Variants in PARVB observed in about 807,000 individuals in gnomAD.
PARVB encodes the protein parvin beta, also known as beta-parvin.
PARVB carries 46 observed loss-of-function variants against 47.0 expected under a neutral mutation model. The observed-to-expected ratio is 0.98, with a 90% CI of 0.77 to 1.25. The LOEUF (loss-of-function observed/expected upper bound fraction) is 1.25, where lower values mean the gene tolerates loss of function less well. Among genes scored for constraint, PARVB ranks in the 50% most tolerant of loss-of-function variants. PARVB has a pLI of 0.00. For synonymous variants in PARVB, 196 were observed against 196.3 expected (o/e 1.00, Z 0.01); for missense variants, 473 against 471.6 (o/e 1.00, Z -0.03).
Position 44,155,605 on chromosome 22 carries a change from C to T in PARVB, c.844-2377C>T, listed in dbSNP as rs1171459359. ...AGGTGTGGGTTGGTGCCTTCATTCA[C>T]GTGGCAGCTTCCATTCCCTGGAAGT... On this transcript the variant is annotated intron_variant, in intron 10 of 12. Transcript: ENST00000338758. The surrounding 1 kb of genome is among the most constrained non-coding windows in gnomAD (Gnocchi z 4.8). 7.9e-5 allele frequency among the ~76,000 whole-genome samples: 12 copies of T among 152,164 alleles called. No individual in the cohort carries two copies. Among genetic ancestry groups the T allele is most frequent in the Admixed American group, 7.9e-4 (12 of 15,284 alleles).
At chr22:44,153,942 T>G (rs1163185226) in intron 10 of PARVB, among the ~76,000 whole-genome samples, 1 of 152,218 alleles carries the variant, frequency 6.6e-6, no homozygotes, top group Non-Finnish European at 1.5e-5. Flanking sequence ...TGCTCGTGCC[T>G]GCTTCCTCGG....
rs184543336 is a variant in PARVB, at chr22:44,089,660, C to T, written c.113-4268C>T. On this transcript the variant is annotated intron_variant, in intron 1 of 12. Coordinates refer to ENST00000338758, the MANE Select transcript of PARVB (RefSeq NM_013327.5). The surrounding 1 kb of genome is among the most constrained non-coding windows in gnomAD (Gnocchi z 4.0). ...GAAGCCAAGGGTGTGAGAGGAGCCCCTCCTTCCAAAAATCACACCGATCCT... is the reference window on the plus strand; with the variant it reads ...GAAGCCAAGGGTGTGAGAGGAGCCCTTCCTTCCAAAAATCACACCGATCCT... 7 of 152,386 alleles carry T rather than the reference C, an allele frequency of 4.6e-5. No individual in the cohort carries two copies. The East Asian group carries it at 1.4e-3, about 29-fold the overall frequency. The allele number at this position is 152,386 out of a possible 1,614,324, so 9.4% of individuals were successfully genotyped here. A position where few individuals can be genotyped will look rare whatever the true frequency, so the allele number is the denominator to read the frequency against.
chr22:44,071,782 A>T (rs1309037630), intron 1 of PARVB, among the ~76,000 whole-genome samples: 1 of 152,216 alleles, frequency 6.6e-6, no homozygotes, highest in African/African-American at 2.4e-5. Flanking sequence ...TCCGTATTTT[A>T]CTAGTTATGG....
chr22:44,039,542 AAAAG>A (rs988703502), intron 1 of PARVB, among the ~76,000 whole-genome samples: 55 of 152,098 alleles, frequency 3.6e-4, no homozygotes, highest in African/African-American at 1.3e-3. Context: ...TACTCTGTCA[AAAAG>A]AAAGAAAAAA....
intron 1 of PARVB, among the ~76,000 whole-genome samples, chr22:44,087,932 A>G (rs933881032): frequency 1.4e-5 from 2 of 145,180 alleles, no homozygotes; most frequent in South Asian, 2.1e-4. Context: ...ATATTCCACC[A>G]TTATAGTTAC....
intron 2 of PARVB, among the ~76,000 whole-genome samples, chr22:44,097,900 C>T (rs2052346786): frequency 6.6e-6 from 1 of 152,194 alleles, no homozygotes; most frequent in South Asian, 2.1e-4. Context: ...CCCCATTCCT[C>T]TCAGTGGTCC....
At chr22:44,124,741 C>G (rs1447220855) in intron 4 of PARVB, among the ~76,000 whole-genome samples, 6 of 152,222 alleles carry the variant, frequency 3.9e-5, no homozygotes, top group Non-Finnish European at 8.8e-5. Context: ...ATGGGCCATC[C>G]TGGAGGGTCA....
In PARVB at chr22:44,172,937, G is replaced by A; in HGVS notation, c.*4259G>A. 4 of 1,254,066 alleles carry A rather than the reference G, an allele frequency of 3.2e-6. No homozygotes were observed. The highest frequency in any genetic ancestry group is 4.2e-6 in the Non-Finnish European group (4 of 958,196). 77.7% of individuals were successfully genotyped at this position (1,254,066 alleles called of 1,614,324 possible). ...ATTTATTCCAATAAAGACCTCGTGA[G>A]CATGGGCCTGTCCACCGTCTTTGTT... On this transcript the variant is annotated 3_prime_UTR_variant, in exon 13 of 13. Transcript: ENST00000338758.
chr22:44,074,967 C>A lies in PARVB; in HGVS notation c.113-18961C>A, dbSNP rs79971075. Among the ~76,000 whole-genome samples, 1,113 of 152,294 alleles carry A rather than the reference C, an allele frequency of 7.3e-3. 14 individuals are homozygous for A. The highest frequency in any genetic ancestry group is 0.025 in the African/African-American group (1,027 of 41,554). ...TGGGGACGGGGCTTCCCAGCCTCAA[C>A]ACTGAGGATTCTTGGTTGTGGAGCT... On this transcript the variant is annotated intron_variant, in intron 1 of 12. Coordinates refer to ENST00000338758, the MANE Select transcript of PARVB (RefSeq NM_013327.5).
Position 44,122,540 on chromosome 22 carries a change from GAGAGAGAGAGAGAC to G in PARVB, c.376+3402_376+3415del, listed in dbSNP as rs1569134433. Among the ~76,000 whole-genome samples, 1,007 of 107,380 alleles carry G rather than the reference GAGAGAGAGAGAGAC, an allele frequency of 9.4e-3. 43 individuals are homozygous for G. The highest frequency in any genetic ancestry group is 0.019 in the Admixed American group (198 of 10,288). 70.4% of individuals were successfully genotyped at this position (107,380 alleles called of 152,430 possible). A position where few individuals can be genotyped will look rare whatever the true frequency, so the allele number is the denominator to read the frequency against. ...AGAGACAGAGAGACAGAGAGAGAGAGAGAGAGAGAGAGACACAGAGACAGAGAGAGAGAGAGAGA... is the reference window on the plus strand; with the variant it reads ...AGAGACAGAGAGACAGAGAGAGAGAGACAGAGACAGAGAGAGAGAGAGAGA... On this transcript the variant is annotated intron_variant, in intron 4 of 12. Transcript: ENST00000338758.
intron 1 of PARVB, among the ~76,000 whole-genome samples, chr22:44,092,531 T>G (rs538210839): frequency 1.3e-4 from 20 of 152,118 alleles, no homozygotes; most frequent in African/African-American, 4.8e-4. Context: ...CTGGCATCCT[T>G]GGGCCCTGCT....
chr22:44,040,068 G>A (rs1285018470), intron 1 of PARVB: 1 of 255,998 alleles, frequency 3.9e-6, no homozygotes. Flanking sequence ...TTGGGGAGGA[G>A]CAGGAGGGAT....
chr22:44,117,805 G>A (rs1026037337), intron 3 of PARVB, among the ~76,000 whole-genome samples: 7 of 145,364 alleles, frequency 4.8e-5, no homozygotes, highest in South Asian at 2.2e-4. Context: ...TCCCATTTCC[G>A]AGAGGTTACT....
At chr22:44,129,042 C>T (rs1367107188) in intron 4 of PARVB, among the ~76,000 whole-genome samples, 1 of 152,184 alleles carries the variant, frequency 6.6e-6, no homozygotes, top group Non-Finnish European at 1.5e-5. Flanking sequence ...GGTGCCATTG[C>T]ACTCCAGCCT....
At chr22:44,118,733 C>T (rs1419482421) in intron 3 of PARVB, among the ~76,000 whole-genome samples, 2 of 152,114 alleles carry the variant, frequency 1.3e-5, no homozygotes, top group African/African-American at 4.8e-5. Context: ...GCTGTGTAGC[C>T]TCTGTCTCTG....
chr22:44,134,362 G>A (rs754477356), intron 6 of PARVB, among the ~76,000 whole-genome samples: 1 of 152,180 alleles, frequency 6.6e-6, no homozygotes, highest in Non-Finnish European at 1.5e-5. Flanking sequence ...GCCTGAAAAG[G>A]CTTCCCTAGG....
intron 4 of PARVB, among the ~76,000 whole-genome samples, chr22:44,131,100 C>T (rs2053305322): frequency 1.7e-5 from 2 of 117,674 alleles, no homozygotes; most frequent in Admixed American, 1.1e-4. Flanking sequence ...TTCTCTCTCT[C>T]TCTCCTTCCT....
At chr22:44,135,106 T>TC in intron 6 of PARVB, among the ~76,000 whole-genome samples, 1 of 152,284 alleles carries the variant, frequency 6.6e-6, no homozygotes, top group South Asian at 2.1e-4. Context: ...CTTGGTGGTG[T>TC]CCACTGTGGG....
chr22:44,154,939 A>ATGTGTG (rs71188433), intron 10 of PARVB, among the ~76,000 whole-genome samples: 3 of 102,410 alleles, frequency 2.9e-5, no homozygotes, highest in African/African-American at 8.2e-5. Flanking sequence ...GTGTGGTGTG[A>ATGTGTG]TGTGTGTGTG....
Sources: gnomAD v4.1 joint callset for allele counts (sites outside exome capture counted in the v4.1 genomes callset) on GRCh38, gnomAD v4.1.1 for gene constraint, Gnocchi (gnomAD v3.1) non-coding constraint, MANE v1.5 for transcripts, NCBI Gene and HGNC (gene_info 2026-07-23, HGNC 2026-07-21) for gene names.